The following CCDC28A variants were observed in gnomAD, a reference collection of about 807,000 sequenced individuals.
CCDC28A encodes coiled-coil domain-containing protein 28A.
CCDC28A carries 24 observed loss-of-function variants against 22.1 expected under a neutral mutation model. The ratio of observed to expected loss-of-function variants is 1.09; its 90% confidence interval spans 0.79 to 1.53. The LOEUF is 1.53. CCDC28A is among the 40% of genes most tolerant of loss of function. The pLI, the probability that CCDC28A is intolerant of heterozygous loss-of-function variation, is 0.00. For synonymous variants in CCDC28A, 83 were observed against 74.7 expected (o/e 1.11, Z -0.57); for missense variants, 170 against 210.7 (o/e 0.81, Z 1.20).
chr6:138,793,122 C>CAA lies in CCDC28A; in HGVS notation c.*319_*320insAA. On this transcript the variant is annotated 3_prime_UTR_variant, in exon 6 of 6. Coordinates refer to ENST00000617445, the MANE Select transcript of CCDC28A (RefSeq NM_015439.3). ...TTCTTGACAGGGCGGAGGGATTTCT[C>CAA]TTTCCTGAGCTCACCAAACTTATTC... is the stretch of plus-strand genomic sequence containing the variant. 2 of 278,010 alleles carry CAA rather than the reference C, an allele frequency of 7.2e-6. No homozygotes were observed. The highest frequency in any genetic ancestry group is 1.2e-3 in the Middle Eastern group (1 of 808). The allele number at this position is 278,010 out of a possible 1,614,324, so 17.2% of individuals were successfully genotyped here.
At position 138,788,642 on chromosome 6, in the gene CCDC28A, C is replaced by A. The variant is rs2327899; in HGVS notation, c.500+254C>A. 1.7e-4 allele frequency among the ~76,000 whole-genome samples: 24 copies of A among 140,772 alleles called. No homozygotes were observed. The East Asian group carries it at 4.7e-3, about 27-fold the overall frequency. The allele number at this position is 140,772 out of a possible 152,430, so 92.4% of individuals were successfully genotyped here. On this transcript the variant is annotated intron_variant, in intron 5 of 5. Coordinates refer to ENST00000617445, the MANE Select transcript of CCDC28A (RefSeq NM_015439.3). ...CCAGGCTGGAGTGCAGTGCCACGAT[C>A]ATGGTTCACCACAGTCTCAAACCTC... is the stretch of plus-strand genomic sequence containing the variant.
chr6:138,791,702 G>T (rs1044632093), intron 5 of CCDC28A, among the ~76,000 whole-genome samples: 1 of 152,094 alleles, frequency 6.6e-6, no homozygotes, highest in Admixed American at 6.5e-5. Flanking sequence ...TCCTTATCAC[G>T]TTACATTCAA....
chr6:138,782,217 T>C (rs1775032470), intron 3 of CCDC28A, among the ~76,000 whole-genome samples: 1 of 152,244 alleles, frequency 6.6e-6, no homozygotes, highest in African/African-American at 2.4e-5. Context: ...GTTATCCTAC[T>C]GATTACTCTT....
chr6:138,777,025 A>T (rs548135781), intron 2 of CCDC28A, among the ~76,000 whole-genome samples: 3 of 152,324 alleles, frequency 2.0e-5, no homozygotes, highest in African/African-American at 7.2e-5. Context: ...TAACTATGTT[A>T]TATGTTACTG....
Position 138,779,859 on chromosome 6 carries a change from G to C in CCDC28A, c.196G>C (p.Gly66Arg). The C allele has an allele frequency of 6.2e-7, 1 of 1,613,760 alleles. No individual in the cohort carries two copies. The highest frequency in any genetic ancestry group is 8.5e-7 in the Non-Finnish European group (1 of 1,179,818). The part of the protein sequence containing the change: ...KEKTKPQGGE[G>R]KGAQSTPIQH... ...AAAGACCAAACCTCAGGGTGGAGAGGGCAAAGGCGCTCAGTCAACTCCGAT... is the reference window on the plus strand; with the variant it reads ...AAAGACCAAACCTCAGGGTGGAGAGCGCAAAGGCGCTCAGTCAACTCCGAT... The change falls in exon 3 of 6, where the codon GGC becomes CGC. Residue 66 changes from glycine to arginine, a missense_variant. Physicochemically the swap from Gly to Arg is moderately radical, Grantham distance 125. Transcript: ENST00000617445.
rs187597000 is a variant in CCDC28A at position 138,781,014 on chromosome 6, T to C, written c.322+1029T>C. ...TACATATTGATTTTTTAAAGTATTCTTTCCCTCCCCAATGTTTTTGTTACT... is the reference window on the plus strand; with the variant it reads ...TACATATTGATTTTTTAAAGTATTCCTTCCCTCCCCAATGTTTTTGTTACT... On this transcript the variant is annotated intron_variant, in intron 3 of 5. Coordinates refer to ENST00000617445, the MANE Select transcript of CCDC28A (RefSeq NM_015439.3). Among the ~76,000 whole-genome samples, 38 of 152,342 alleles carry C rather than the reference T, an allele frequency of 2.5e-4. No individual in the cohort carries two copies. In the East Asian group the frequency reaches 5.2e-3, roughly 21 times the overall value.
In CCDC28A at chr6:138,773,901, A is replaced by G; in HGVS notation, c.-44A>G. Reference sequence around the variant, plus strand: ...GGGGGCCCCAATACCCTTCTTCTTCAGGTATGTAGTGGAAGCAAAGGAACC... The same window carrying G: ...GGGGGCCCCAATACCCTTCTTCTTCGGGTATGTAGTGGAAGCAAAGGAACC... On this transcript the variant is annotated splice_region_variant and 5_prime_UTR_variant, in exon 1 of 6. Transcript: ENST00000617445. 6.2e-7 allele frequency: 1 copy of G among 1,612,596 alleles called. No individual in the cohort carries two copies. The highest frequency in any genetic ancestry group is 8.5e-7 in the Non-Finnish European group (1 of 1,179,958).
intron 3 of CCDC28A, among the ~76,000 whole-genome samples, chr6:138,782,944 GT>G (rs779090626): frequency 6.6e-6 from 1 of 150,522 alleles, no homozygotes; most frequent in African/African-American, 2.4e-5. Context: ...AAACAGAAAG[GT>G]TTTTTTTTTA....
At chr6:138,775,657 C>T (rs1365359121) in intron 1 of CCDC28A, among the ~76,000 whole-genome samples, 1 of 152,128 alleles carries the variant, frequency 6.6e-6, no homozygotes, top group Non-Finnish European at 1.5e-5. Context: ...GAAGAAAGAC[C>T]TAAAGGCCAC....
In CCDC28A at chr6:138,773,984, C is replaced by A. The variant is rs895151877; in HGVS notation, c.-43+82C>A. ...ACTCTGGTCACTGCTGGGTACTGGG[C>A]GGTGAAGGGTCATCGCTTCGGTAGA... On this transcript the variant is annotated intron_variant, in intron 1 of 5. Transcript: ENST00000617445. 1.1e-5 allele frequency: 16 copies of A among 1,513,440 alleles called. No individual in the cohort carries two copies. The African/African-American group carries it at 1.5e-4, about 14-fold the overall frequency. 93.8% of individuals were successfully genotyped at this position (1,513,440 alleles called of 1,614,324 possible).
intron 2 of CCDC28A, among the ~76,000 whole-genome samples, chr6:138,777,703 A>G (rs1306129738): frequency 6.6e-6 from 1 of 152,212 alleles, no homozygotes; most frequent in African/African-American, 2.4e-5. Flanking sequence ...AGAGTGTGAC[A>G]TAACATTGAA....
At chr6:138,777,229 A>G (rs2114900498) in intron 2 of CCDC28A, among the ~76,000 whole-genome samples, 1 of 152,334 alleles carries the variant, frequency 6.6e-6, no homozygotes, top group Non-Finnish European at 1.5e-5. Flanking sequence ...TTTACACCTA[A>G]TAAAAGATGA....
At position 138,776,287 on chromosome 6, in the gene CCDC28A, T is replaced by G; in HGVS notation, c.158+9T>G. The G allele has an allele frequency of 6.2e-7, 1 of 1,602,260 alleles. No homozygotes were observed. The highest frequency in any genetic ancestry group is 8.6e-7 in the Non-Finnish European group (1 of 1,169,284). On this transcript the variant is annotated intron_variant, in intron 2 of 5. Coordinates refer to ENST00000617445, the MANE Select transcript of CCDC28A (RefSeq NM_015439.3). ...CGACCAAAGTTAAAAAGGTGAATTC[T>G]TTTATTTTACATGTTCACAGTAAAA...
At chr6:138,783,331 G>A (rs1583522597) in intron 3 of CCDC28A, among the ~76,000 whole-genome samples, 1 of 138,396 alleles carries the variant, frequency 7.2e-6, no homozygotes, top group South Asian at 2.4e-4. Context: ...GCAGTGGTAT[G>A]ATCACAGCTC....
At chr6:138,776,029 A>G in intron 1 of CCDC28A, 50 bp from the exon 2 acceptor site, 1 of 1,448,644 alleles carries the variant, frequency 6.9e-7, no homozygotes, top group Non-Finnish European at 9.7e-7. Context: ...AATTTCTTTC[A>G]TGTTTGCATA....
chr6:138,778,811 A>G (rs1252299802), intron 2 of CCDC28A, among the ~76,000 whole-genome samples: 2 of 147,910 alleles, frequency 1.4e-5, no homozygotes, highest in Non-Finnish European at 3.0e-5. Flanking sequence ...TCTGTCACCC[A>G]GGCTGGAGTG....
chr6:138,782,167 C>G (rs1300119270), intron 3 of CCDC28A, among the ~76,000 whole-genome samples: 1 of 151,932 alleles, frequency 6.6e-6, no homozygotes, highest in African/African-American at 2.4e-5. Flanking sequence ...TCTATGTTGC[C>G]TTTGTGTTTT....
chr6:138,790,452 T>G (rs115545048), intron 5 of CCDC28A, among the ~76,000 whole-genome samples: 78 of 152,324 alleles, frequency 5.1e-4, no homozygotes, highest in African/African-American at 1.8e-3. Flanking sequence ...GCCCGGCCCT[T>G]TTTTGTGAGT....
In CCDC28A at chr6:138,780,000, T is replaced by A; in HGVS notation, c.322+15T>A. 6.3e-7 allele frequency: 1 copy of A among 1,581,270 alleles called. No individual in the cohort carries two copies. The highest frequency in any genetic ancestry group is 1.2e-5 in the South Asian group (1 of 86,614). Reference sequence around the variant, plus strand: ...TCAAGCATTTGGTAAGCAATAGATGTTTCTGTATTATTTTTTTCTCTAAGA... The same window carrying A: ...TCAAGCATTTGGTAAGCAATAGATGATTCTGTATTATTTTTTTCTCTAAGA... On this transcript the variant is annotated intron_variant, in intron 3 of 5. Coordinates refer to ENST00000617445, the MANE Select transcript of CCDC28A (RefSeq NM_015439.3).
Sources: gnomAD v4.1 joint callset for allele counts (sites outside exome capture counted in the v4.1 genomes callset) on GRCh38, gnomAD v4.1.1 for gene constraint, MANE v1.5 for transcripts, NCBI Gene and HGNC (gene_info 2026-07-23, HGNC 2026-07-21) for gene names.